GTF2A1L: variants seen among roughly 807,000 people sequenced by gnomAD.
The protein encoded by GTF2A1L is TFIIA-alpha and beta-like factor.
A neutral mutation model predicts 49.7 loss-of-function variants in GTF2A1L; 48 were observed. The ratio of observed to expected loss-of-function variants is 0.97; its 90% CI spans 0.77 to 1.23. GTF2A1L has a LOEUF of 1.23. Among genes scored for constraint, GTF2A1L ranks in the 50% most tolerant of loss-of-function variants. The probability of loss-of-function intolerance (pLI) is 0.00; values close to 1 mark genes in which losing one functional copy is unlikely to be tolerated. For missense variants in GTF2A1L, 736 were observed against 564.8 expected (o/e 1.30, Z -3.07); for synonymous variants, 246 against 193.5 (o/e 1.27, Z -2.25).
chr2:48,619,952 G>A (rs1675886107), intron 1 of GTF2A1L, among the ~76,000 whole-genome samples: 1 of 152,156 alleles, frequency 6.6e-6, no homozygotes, highest in Admixed American at 6.5e-5. Flanking sequence ...GTTCTGGTAG[G>A]AAATCCGTTT....
chr2:48,646,897 C>A lies in GTF2A1L; in HGVS notation c.833C>A (p.Ser278Tyr), dbSNP rs1572732002. 2 of 1,614,044 alleles carry A rather than the reference C, an allele frequency of 1.2e-6. No individual in the cohort carries two copies. The highest frequency in any genetic ancestry group is 1.3e-5 in the African/African-American group (1 of 74,920). The change falls in exon 6 of 9, where the codon TCC (serine) becomes TAC (tyrosine). Residue 278 changes from serine to tyrosine, a missense_variant. Transcript: ENST00000403751. ...ATGGCTCAAAATCTGCATGATGAGTCCCTCTCCACAAGCCCTCATGGGGCT... is the reference window on the plus strand; with the variant it reads ...ATGGCTCAAAATCTGCATGATGAGTACCTCTCCACAAGCCCTCATGGGGCT... ...ASMAQNLHDESLSTSPHGALH... is the reference protein window; with the variant it reads ...ASMAQNLHDEYLSTSPHGALH...
intron 8 of GTF2A1L, among the ~76,000 whole-genome samples, chr2:48,672,370 C>T (rs898934527): frequency 1.3e-5 from 2 of 152,088 alleles, no homozygotes; most frequent in African/African-American, 4.8e-5. Context: ...TTAGAATATC[C>T]TGAATGCTAG....
intron 1 of GTF2A1L, among the ~76,000 whole-genome samples, chr2:48,619,059 C>T (rs2104042842): frequency 6.6e-6 from 1 of 152,212 alleles, no homozygotes; most frequent in East Asian, 1.9e-4. Flanking sequence ...AATTTAGGGG[C>T]ATTTAGTCTT....
chr2:48,668,010 G>A (rs1027636001), intron 6 of GTF2A1L, among the ~76,000 whole-genome samples: 1 of 152,094 alleles, frequency 6.6e-6, no homozygotes, highest in African/African-American at 2.4e-5. Flanking sequence ...GACTTTCCAG[G>A]CTGATACGAT....
At chr2:48,641,667 A>G (rs941390674) in intron 3 of GTF2A1L, among the ~76,000 whole-genome samples, 2 of 152,096 alleles carry the variant, frequency 1.3e-5, no homozygotes, top group African/African-American at 4.8e-5. Flanking sequence ...TGTAGTTATT[A>G]TTTTTTCTTT....
At chr2:48,662,896 C>T (rs1678596441) in intron 6 of GTF2A1L, among the ~76,000 whole-genome samples, 1 of 151,810 alleles carries the variant, frequency 6.6e-6, no homozygotes, top group Admixed American at 6.6e-5. Flanking sequence ...GAACAATGAA[C>T]ACGGGAATAA....
At chr2:48,674,323 C>A (rs1164831557) in intron 8 of GTF2A1L, among the ~76,000 whole-genome samples, 1 of 151,980 alleles carries the variant, frequency 6.6e-6, no homozygotes, top group African/African-American at 2.4e-5. Context: ...TATATCATTG[C>A]GGTTTTGATT....
intron 6 of GTF2A1L, among the ~76,000 whole-genome samples, chr2:48,656,179 T>G (rs1678157945): frequency 6.6e-6 from 1 of 152,076 alleles, no homozygotes; most frequent in Non-Finnish European, 1.5e-5. Context: ...TGTCTTTAAT[T>G]TTTTCGGATA....
At chr2:48,649,195 G>A (rs1338828246) in intron 6 of GTF2A1L, among the ~76,000 whole-genome samples, 1 of 152,066 alleles carries the variant, frequency 6.6e-6, no homozygotes, top group African/African-American at 2.4e-5. Context: ...TTGCCCTTTT[G>A]TGACTGTCTT....
chr2:48,651,090 C>A (rs998309540), intron 6 of GTF2A1L, among the ~76,000 whole-genome samples: 2 of 152,094 alleles, frequency 1.3e-5, no homozygotes, highest in Non-Finnish European at 2.9e-5. Context: ...AAAGCTTTAT[C>A]ATGAAGCATC....
intron 6 of GTF2A1L, 26 bp downstream of exon 6, chr2:48,647,068 G>A (rs747804156): frequency 1.3e-6 from 2 of 1,542,200 alleles, no homozygotes; most frequent in South Asian, 2.6e-5. Context: ...CAACTTCTTG[G>A]TATCAGGGGA....
rs1275193048 is a variant in GTF2A1L at position 48,646,931 on chromosome 2, G to T, written c.867G>T (p.Gln289His). ...LSTSPHGALH[Q>H]HVTDIQLHIL... Reference sequence around the variant, plus strand: ...CAAGCCCTCATGGGGCTCTCCACCAGCACGTGACTGATATTCAGCTTCATA... The same window carrying T: ...CAAGCCCTCATGGGGCTCTCCACCATCACGTGACTGATATTCAGCTTCATA... Residue 289 changes from glutamine to histidine, a missense_variant, in exon 6 of 9, where the codon CAG becomes CAT. Transcript: ENST00000403751. 3.1e-6 allele frequency: 5 copies of T among 1,614,018 alleles called. No homozygotes were observed. The East Asian group carries it at 1.1e-4, about 36-fold the overall frequency.
At chr2:48,656,476 G>A (rs1218387345) in intron 6 of GTF2A1L, among the ~76,000 whole-genome samples, 1 of 148,946 alleles carries the variant, frequency 6.7e-6, no homozygotes, top group Non-Finnish European at 1.5e-5. Flanking sequence ...ATGTTCTTCT[G>A]GCCACTTGTA....
intron 6 of GTF2A1L, among the ~76,000 whole-genome samples, chr2:48,664,839 TC>T (rs1678722824): frequency 6.6e-6 from 1 of 152,180 alleles, no homozygotes; most frequent in African/African-American, 2.4e-5. Context: ...CTTCTTTAAT[TC>T]TTAATACTGT....
At chr2:48,656,997 G>T (rs1037937815) in intron 6 of GTF2A1L, among the ~76,000 whole-genome samples, 5 of 152,156 alleles carry the variant, frequency 3.3e-5, no homozygotes, top group African/African-American at 1.2e-4. Context: ...GAAAATTGAC[G>T]TTTTATGTAA....
In GTF2A1L at chr2:48,651,144, A is replaced by G. The variant is rs144462293; in HGVS notation, c.978+4102A>G. On this transcript the variant is annotated intron_variant, in intron 6 of 8. Transcript: ENST00000403751. ...TACTACCCAGTCACAGAAGCCACAT[A>G]CAATCAAAGACACCTTGGTTAAGCT... Among the ~76,000 whole-genome samples the G allele has an allele frequency of 6.8e-3, 1,028 of 152,288 alleles. 7 individuals are homozygous for G. The highest frequency in any genetic ancestry group is 0.031 in the Middle Eastern group (9 of 294).
At chr2:48,623,102 C>T (rs1017712323) in intron 3 of GTF2A1L, among the ~76,000 whole-genome samples, 1 of 152,058 alleles carries the variant, frequency 6.6e-6, no homozygotes, top group South Asian at 2.1e-4. Context: ...TACATGTATC[C>T]CTTAAAAGTG....
At chr2:48,645,220 G>T in intron 5 of GTF2A1L, 103 bp downstream of exon 5, 1 of 1,043,144 alleles carries the variant, frequency 9.6e-7, no homozygotes, top group South Asian at 1.8e-5. Context: ...GAAGTTATAA[G>T]AACTTTTAAT....
At chr2:48,648,282 A>C (rs1008705758) in intron 6 of GTF2A1L, among the ~76,000 whole-genome samples, 3 of 152,134 alleles carry the variant, frequency 2.0e-5, no homozygotes, top group African/African-American at 7.2e-5. Flanking sequence ...AGGTTAAACT[A>C]ATAAGTATGA....
Sources: gnomAD v4.1 joint callset for allele counts (sites outside exome capture counted in the v4.1 genomes callset) on GRCh38, gnomAD v4.1.1 for gene constraint, MANE v1.5 for transcripts, NCBI Gene and HGNC (gene_info 2026-07-23, HGNC 2026-07-21) for gene names.